Variants in BFSP2 observed in about 807,000 individuals in gnomAD.
BFSP2 encodes beaded filament structural protein 2.
In BFSP2, 38 loss-of-function variants were observed where a neutral mutation model predicts 44.9. The observed-to-expected ratio is 0.85, with a 90% CI of 0.65 to 1.11. The LOEUF is 1.11. BFSP2 is among the 50% of genes least tolerant of loss of function. The pLI is 0.00. For missense variants in BFSP2, 525 were observed against 533.0 expected, an observed-to-expected ratio of 0.99 and a Z score of 0.15; for synonymous variants, 197 against 209.9, an observed-to-expected ratio of 0.94 and a Z score of 0.53.
intron 2 of BFSP2, 135 bp from the exon 3 acceptor site, chr3:133,448,354 T>C: frequency 8.6e-7 from 1 of 1,165,810 alleles, no homozygotes; most frequent in South Asian, 1.3e-5. Context: ...AACAGTGCCC[T>C]CAAATCTATT....
intron 4 of BFSP2, among the ~76,000 whole-genome samples, chr3:133,451,042 C>T (rs974530351): frequency 7.3e-6 from 1 of 137,584 alleles, no homozygotes; most frequent in Non-Finnish European, 1.5e-5. Flanking sequence ...ACCTGGGAGG[C>T]GGAGCTTGTA....
rs141053308 is a variant in BFSP2 at position 133,448,937 on chromosome 3, C to T, written c.729+292C>T. On this transcript the variant is annotated intron_variant, in intron 3 of 6. Coordinates refer to ENST00000302334, the MANE Select transcript of BFSP2 (RefSeq NM_003571.4). ...CTTGTGTTAAATTAGAGGGAGCAAC[C>T]CCTCCTCAATGCATTCTATGTCAGG... 331 of 424,550 alleles carry T rather than the reference C, an allele frequency of 7.8e-4. 1 individual carries two copies. The highest frequency in any genetic ancestry group is 9.7e-4 in the Non-Finnish European group (224 of 230,318). The allele number at this position is 424,550 out of a possible 1,614,324, so 26.3% of individuals were successfully genotyped here. A position where few individuals can be genotyped will look rare whatever the true frequency, so the allele number is the denominator to read the frequency against.
intron 1 of BFSP2, among the ~76,000 whole-genome samples, chr3:133,411,292 T>A (rs1326784818): frequency 1.3e-5 from 2 of 151,966 alleles, no homozygotes; most frequent in Non-Finnish European, 2.9e-5. Context: ...CTGCCTTTCT[T>A]ATAAGACCTA....
intron 1 of BFSP2, among the ~76,000 whole-genome samples, chr3:133,414,312 C>A (rs1317092815): frequency 1.3e-5 from 1 of 78,580 alleles, no homozygotes; most frequent in African/African-American, 5.8e-5. Context: ...CCCTACTCAC[C>A]CCTCTACTCA....
rs560763163 is a variant in BFSP2 at position 133,419,506 on chromosome 3, C to T, written c.489+18934C>T. 5.9e-5 allele frequency among the ~76,000 whole-genome samples: 9 copies of T among 152,250 alleles called. No homozygotes were observed. In the South Asian group the frequency reaches 1.0e-3, roughly 18 times the overall value. ...GGGCCCACAGTCTATGTAGAGTGCCCGTTTGATAAGATAGAGCTATAGTCG... is the reference window on the plus strand; with the variant it reads ...GGGCCCACAGTCTATGTAGAGTGCCTGTTTGATAAGATAGAGCTATAGTCG... On this transcript the variant is annotated intron_variant, in intron 1 of 6. Transcript: ENST00000302334.
chr3:133,438,505 A>G (rs1237333775), intron 1 of BFSP2, among the ~76,000 whole-genome samples: 1 of 152,244 alleles, frequency 6.6e-6, no homozygotes, highest in Admixed American at 6.5e-5. Context: ...ACTGCACTCC[A>G]GCCTGGGTGG....
chr3:133,465,001 CTTTTTTT>C (rs71136470), intron 4 of BFSP2, among the ~76,000 whole-genome samples: 4 of 132,112 alleles, frequency 3.0e-5, no homozygotes, highest in Non-Finnish European at 6.5e-5. Flanking sequence ...CTTGGGGTTT[CTTTTTTT>C]TTTTTTTTTT....
rs1234071151 is a variant in BFSP2, at chr3:133,448,545, A to G, written c.629A>G (p.Tyr210Cys). The change falls in exon 3 of 7, where the codon TAT becomes TGT. Residue 210 changes from tyrosine (Y) to cysteine (C), a missense_variant. Transcript: ENST00000302334. ...KAAEEEINSL[Y>C]KVIDEANLTK... ...GCAGAAGAGGAAATTAACTCTCTGT[A>G]TAAAGTCATTGATGAGGCTAATTTG... The G allele has an allele frequency of 1.9e-6, 3 of 1,614,004 alleles. No homozygotes were observed. The highest frequency in any genetic ancestry group is 2.2e-5 in the East Asian group (1 of 44,894).
intron 4 of BFSP2, among the ~76,000 whole-genome samples, chr3:133,463,039 T>C (rs1422374556): frequency 1.3e-5 from 2 of 152,170 alleles, no homozygotes; most frequent in African/African-American, 4.8e-5. Flanking sequence ...CCGGGTGCGG[T>C]GGCTCACGCC....
intron 4 of BFSP2, among the ~76,000 whole-genome samples, chr3:133,466,131 T>C (rs371433336): frequency 6.6e-6 from 1 of 151,400 alleles, no homozygotes; most frequent in Non-Finnish European, 1.5e-5. Context: ...TGTACTGATA[T>C]AGAATAATTT....
At chr3:133,474,827 A>T in intron 6 of BFSP2, 142 bp from the exon 7 acceptor site, 1 of 1,084,790 alleles carries the variant, frequency 9.2e-7, no homozygotes, top group South Asian at 1.3e-5. Context: ...ATAACCATGG[A>T]GTAATTATTT....
intron 1 of BFSP2, among the ~76,000 whole-genome samples, chr3:133,433,340 C>T (rs1025162667): frequency 5.3e-5 from 8 of 152,226 alleles, no homozygotes; most frequent in African/African-American, 1.7e-4. Flanking sequence ...AGCCACTAGC[C>T]TGCCTCTTAA....
chr3:133,417,857 TA>T (rs1485098808), intron 1 of BFSP2, among the ~76,000 whole-genome samples: 1 of 135,198 alleles, frequency 7.4e-6, no homozygotes, highest in African/African-American at 3.0e-5. Flanking sequence ...CTCTCCCCTC[TA>T]CTCACCTCTG....
chr3:133,417,391 C>A (rs1237753905), intron 1 of BFSP2, among the ~76,000 whole-genome samples: 4 of 109,100 alleles, frequency 3.7e-5, no homozygotes, highest in Non-Finnish European at 5.7e-5. Flanking sequence ...CCTCTACGTA[C>A]CCCTGCCATC....
chr3:133,400,594 A>AG lies in BFSP2; in HGVS notation c.489+25dup. On this transcript the variant is annotated intron_variant, in intron 1 of 6. Coordinates refer to ENST00000302334, the MANE Select transcript of BFSP2 (RefSeq NM_003571.4). This position sits in a 1 kb window ranked among gnomAD's most constrained non-coding sequence, Gnocchi z 4.0. ...GCAGGTAAGTGTCCAGGCTGTGCCA[A>AG]GGGCTTTGCAGAGGGCTGGGAGGGG... 1 of 1,574,632 alleles carries AG rather than the reference A, an allele frequency of 6.4e-7. No individual in the cohort carries two copies. Among genetic ancestry groups the AG allele is most frequent in the Non-Finnish European group, 8.6e-7 (1 of 1,160,318 alleles).
intron 4 of BFSP2, among the ~76,000 whole-genome samples, chr3:133,464,880 G>C (rs2074094645): frequency 6.6e-6 from 1 of 152,136 alleles, no homozygotes; most frequent in Non-Finnish European, 1.5e-5. Flanking sequence ...TGGGTCCAAG[G>C]CTTCTGTTCT....
intron 1 of BFSP2, among the ~76,000 whole-genome samples, chr3:133,417,763 TCA>T: frequency 2.2e-5 from 3 of 137,846 alleles, no homozygotes; most frequent in Non-Finnish European, 1.6e-5. Context: ...CTCACCTCTG[TCA>T]CCTCTCCTCT....
intron 1 of BFSP2, among the ~76,000 whole-genome samples, chr3:133,415,349 CCT>C (rs2073510851): frequency 1.9e-5 from 2 of 106,924 alleles, no homozygotes; most frequent in African/African-American, 3.9e-5. Context: ...TGTCCTCTCC[CCT>C]CTACTCACCC....
chr3:133,409,708 C>T (rs975229219), intron 1 of BFSP2, among the ~76,000 whole-genome samples: 1 of 152,196 alleles, frequency 6.6e-6, no homozygotes, highest in Admixed American at 6.5e-5. Context: ...AAGAAGCTCC[C>T]ACTAACCAAA....
Sources: allele counts gnomAD v4.1 joint callset (sites outside exome capture counted in the v4.1 genomes callset), GRCh38; gene constraint gnomAD v4.1.1; non-coding constraint Gnocchi (gnomAD v3.1); transcripts MANE v1.5; gene names NCBI Gene and HGNC (gene_info 2026-07-23, HGNC 2026-07-21).